The following ZNF385D variants were observed in gnomAD, a reference collection of about 807,000 sequenced individuals.
The protein encoded by ZNF385D is zinc finger protein 385D.
Under a neutral mutation model 35.8 loss-of-function variants are expected in ZNF385D, and 15 were observed. That is an observed-to-expected ratio of 0.42 (90% CI 0.28 to 0.64). The LOEUF (loss-of-function observed/expected upper bound fraction) is 0.64. Ranked by LOEUF, ZNF385D falls within the 30% of genes least tolerant of loss-of-function variation. The pLI is 0.23. For missense variants in ZNF385D, 474 were observed against 494.6 expected (o/e 0.96, Z 0.39); for synonymous variants, 212 against 186.8 (o/e 1.13, Z -1.10).
At chr3:21,469,019 C>T (rs1204002469) in intron 4 of ZNF385D, among the ~76,000 whole-genome samples, 1 of 152,042 alleles carries the variant, frequency 6.6e-6, no homozygotes, top group African/African-American at 2.4e-5. Context: ...TAGTGATTGC[C>T]TCTGTGTGGG....
chr3:21,847,412 T>A (rs1015576751), intron 3 of ZNF385D, among the ~76,000 whole-genome samples: 1 of 152,090 alleles, frequency 6.6e-6, no homozygotes, highest in African/African-American at 2.4e-5. Context: ...TTGATAAGGC[T>A]GCACCAATAA....
At chr3:21,703,249 G>C (rs975576438) in intron 1 of ZNF385D, among the ~76,000 whole-genome samples, 1 of 152,110 alleles carries the variant, frequency 6.6e-6, no homozygotes, top group Admixed American at 6.5e-5. Flanking sequence ...TAAGGAAGAA[G>C]CAAAAGTGGA....
intron 2 of ZNF385D, among the ~76,000 whole-genome samples, chr3:22,226,731 T>C (rs1225406534): frequency 6.6e-6 from 1 of 152,162 alleles, no homozygotes; most frequent in African/African-American, 2.4e-5. Flanking sequence ...TCATCAGTCA[T>C]GTCTTTATTT....
chr3:22,146,451 T>C (rs73821306), intron 3 of ZNF385D, among the ~76,000 whole-genome samples: 9 of 152,308 alleles, frequency 5.9e-5, no homozygotes, highest in African/African-American at 2.2e-4. Context: ...GTCTTAAAGA[T>C]TGTGACTAGA....
intron 2 of ZNF385D, among the ~76,000 whole-genome samples, chr3:22,173,471 G>A (rs1477338191): frequency 1.3e-5 from 2 of 152,080 alleles, no homozygotes; most frequent in African/African-American, 4.8e-5. Flanking sequence ...TACAGTAAAA[G>A]TTTTATTTAA....
chr3:21,590,978 T>C (rs2063958570), intron 2 of ZNF385D, among the ~76,000 whole-genome samples: 1 of 151,974 alleles, frequency 6.6e-6, no homozygotes, highest in Non-Finnish European at 1.5e-5. Flanking sequence ...GAGGATCACT[T>C]GAGCCCAGAA....
At chr3:22,219,205 C>T (rs1271999705) in intron 2 of ZNF385D, among the ~76,000 whole-genome samples, 1 of 152,044 alleles carries the variant, frequency 6.6e-6, no homozygotes, top group African/African-American at 2.4e-5. Flanking sequence ...GATTATTTGT[C>T]ACAATTTCTG....
At chr3:22,160,259 TAAGA>T (rs1372916287) in intron 3 of ZNF385D, among the ~76,000 whole-genome samples, 3 of 152,086 alleles carry the variant, frequency 2.0e-5, no homozygotes, top group African/African-American at 7.2e-5. Context: ...AAGGTATCAT[TAAGA>T]AAGAAGTTAC....
intron 2 of ZNF385D, among the ~76,000 whole-genome samples, chr3:22,249,491 T>C (rs1488362897): frequency 2.0e-5 from 3 of 152,156 alleles, no homozygotes; most frequent in Non-Finnish European, 4.4e-5. Flanking sequence ...CCAATCTGTA[T>C]TTAAAGAAGT....
At chr3:22,111,545 G>T (rs1007172657) in intron 3 of ZNF385D, among the ~76,000 whole-genome samples, 1 of 151,962 alleles carries the variant, frequency 6.6e-6, no homozygotes, top group Non-Finnish European at 1.5e-5. Flanking sequence ...TGTTGGATGA[G>T]GCGCTGTTCA....
intron 2 of ZNF385D, among the ~76,000 whole-genome samples, chr3:22,295,616 G>C (rs1309427515): frequency 6.6e-6 from 1 of 152,240 alleles, no homozygotes; most frequent in South Asian, 2.1e-4. Flanking sequence ...GTCTAGGGCT[G>C]AACTAGGTAA....
chr3:22,219,895 T>A (rs1460093184), intron 2 of ZNF385D, among the ~76,000 whole-genome samples: 1 of 152,084 alleles, frequency 6.6e-6, no homozygotes. Context: ...TATGGACCTG[T>A]ATTCTATGCC....
chr3:22,148,050 T>C (rs757911804), intron 3 of ZNF385D, among the ~76,000 whole-genome samples: 7 of 152,200 alleles, frequency 4.6e-5, no homozygotes, highest in Non-Finnish European at 7.3e-5. Flanking sequence ...AGTTTGATTG[T>C]GGCTTATTTT....
chr3:22,083,729 G>C (rs1017147380), intron 3 of ZNF385D, among the ~76,000 whole-genome samples: 3 of 152,028 alleles, frequency 2.0e-5, no homozygotes, highest in Non-Finnish European at 2.9e-5. Flanking sequence ...GAAATACAGA[G>C]AACACCACAA....
chr3:22,159,699 T>C (rs962235706), intron 3 of ZNF385D, among the ~76,000 whole-genome samples: 2 of 152,114 alleles, frequency 1.3e-5, no homozygotes, highest in African/African-American at 4.8e-5. Context: ...ACAGTGAAAT[T>C]AGCATTTTTC....
chr3:21,744,206 C>T (rs552596098), intron 1 of ZNF385D, among the ~76,000 whole-genome samples: 2 of 152,232 alleles, frequency 1.3e-5, no homozygotes, highest in South Asian at 4.2e-4. Flanking sequence ...GTCTACTTCC[C>T]ACAATGGGTC....
intron 2 of ZNF385D, among the ~76,000 whole-genome samples, chr3:22,362,908 G>A (rs530674255): frequency 6.6e-6 from 1 of 152,076 alleles, no homozygotes; most frequent in South Asian, 2.1e-4. Flanking sequence ...CTTTGTTCAA[G>A]GCACTGACAG....
At chr3:21,843,554 G>A (rs1695812732) in intron 3 of ZNF385D, among the ~76,000 whole-genome samples, 1 of 151,920 alleles carries the variant, frequency 6.6e-6, no homozygotes, top group Non-Finnish European at 1.5e-5. Context: ...CTATTTATAT[G>A]TTAATCCAAC....
At chr3:21,831,445 A>C (rs1345065736) in intron 3 of ZNF385D, among the ~76,000 whole-genome samples, 1 of 152,232 alleles carries the variant, frequency 6.6e-6, no homozygotes, top group African/African-American at 2.4e-5. Flanking sequence ...TACTCTTGAC[A>C]AATGATCCCT....
Sources: allele counts gnomAD v4.1 joint callset (sites outside exome capture counted in the v4.1 genomes callset), GRCh38; gene constraint gnomAD v4.1.1; transcripts MANE v1.5; gene names NCBI Gene and HGNC (gene_info 2026-07-23, HGNC 2026-07-21).